The following DUSP16 variants were observed in gnomAD, a reference collection of about 807,000 sequenced individuals.
The protein encoded by DUSP16 is dual specificity protein phosphatase 16.
Under a neutral mutation model 58.3 loss-of-function variants are expected in DUSP16, and 21 were observed. That is an observed-to-expected ratio of 0.36 (90% CI 0.26 to 0.52). The LOEUF (loss-of-function observed/expected upper bound fraction) is 0.52. DUSP16 is among the 20% of genes least tolerant of loss of function. The probability of loss-of-function intolerance (pLI) is 0.94; values close to 1 mark genes in which losing one functional copy is unlikely to be tolerated. For synonymous variants in DUSP16, 320 were observed against 323.8 expected, an observed-to-expected ratio of 0.99 and a Z score of 0.12; for missense variants, 726 against 819.0, an observed-to-expected ratio of 0.89 and a Z score of 1.39.
intron 4 of DUSP16, among the ~76,000 whole-genome samples, 162 bp from the exon 5 acceptor site, chr12:12,487,349 G>T (rs549089691): frequency 7.3e-5 from 11 of 150,314 alleles, no homozygotes; most frequent in Non-Finnish European, 1.5e-4. Context: ...GACATCTAGA[G>T]ACAAGTTTAA....
chr12:12,483,925 C>G (rs1407979507), intron 5 of DUSP16, among the ~76,000 whole-genome samples: 1 of 151,720 alleles, frequency 6.6e-6, no homozygotes, highest in Non-Finnish European at 1.5e-5. Context: ...CTATCACTAA[C>G]CATGGCTTAA....
chr12:12,520,071 C>G, intron 2 of DUSP16, 71 bp from the exon 3 acceptor site: 1 of 1,521,742 alleles, frequency 6.6e-7, no homozygotes, highest in Non-Finnish European at 9.1e-7. Flanking sequence ...CTTAAGATCT[C>G]ACATTTACCA....
chr12:12,503,370 C>T (rs1032341460), intron 3 of DUSP16, among the ~76,000 whole-genome samples: 6 of 151,886 alleles, frequency 4.0e-5, no homozygotes, highest in African/African-American at 1.5e-4. Flanking sequence ...GGACTACAGG[C>T]GCATGCCACC....
intron 3 of DUSP16, among the ~76,000 whole-genome samples, chr12:12,501,901 A>T (rs1943916117): frequency 6.6e-6 from 1 of 152,162 alleles, no homozygotes; most frequent in Non-Finnish European, 1.5e-5. Flanking sequence ...GAGGCAGGAG[A>T]ATCGCTTGAA....
chr12:12,517,897 A>C (rs1275066902), intron 3 of DUSP16, among the ~76,000 whole-genome samples: 1 of 152,210 alleles, frequency 6.6e-6, no homozygotes, highest in Non-Finnish European at 1.5e-5. Flanking sequence ...TCAGTGTGTC[A>C]CACCACGTGT....
intron 3 of DUSP16, among the ~76,000 whole-genome samples, chr12:12,509,732 A>G (rs754256492): frequency 3.9e-5 from 6 of 152,156 alleles, no homozygotes; most frequent in Admixed American, 6.5e-5. Flanking sequence ...TTAGAATTCA[A>G]TAAATGTTTA....
chr12:12,513,067 T>C (rs1944101202), intron 3 of DUSP16, among the ~76,000 whole-genome samples: 1 of 152,196 alleles, frequency 6.6e-6, no homozygotes, highest in Non-Finnish European at 1.5e-5. Context: ...AAATTGAAAA[T>C]GTGTAGAGTC....
At position 12,521,187 on chromosome 12, in the gene DUSP16, T is replaced by C; in HGVS notation, c.-89A>G. 1.9e-6 allele frequency: 3 copies of C among 1,539,844 alleles called. No individual in the cohort carries two copies. Among genetic ancestry groups the C allele is most frequent in the Non-Finnish European group, 2.6e-6 (3 of 1,143,976 alleles). On this transcript the variant is annotated 5_prime_UTR_variant, in exon 2 of 7. Coordinates refer to ENST00000298573, the MANE Select transcript of DUSP16 (RefSeq NM_030640.3). ...GTGCTCAAAGGCTCAGCCACTCCAT[T>C]GTACTAAAAGTGTATGAGGTCAGGC...
At chr12:12,546,873 A>C (rs1944648385) in intron 1 of DUSP16, among the ~76,000 whole-genome samples, 1 of 152,228 alleles carries the variant, frequency 6.6e-6, no homozygotes, top group Non-Finnish European at 1.5e-5. Context: ...GATACTATCT[A>C]TAAGACACAA....
chr12:12,476,449 G>T lies in DUSP16; in HGVS notation c.*384C>A, dbSNP rs1943437096. The T allele has an allele frequency of 1.8e-5, 3 of 170,504 alleles. No individual in the cohort carries two copies. The highest frequency in any genetic ancestry group is 7.2e-5 in the African/African-American group (3 of 41,698). 10.6% of individuals were successfully genotyped at this position (170,504 alleles called of 1,614,324 possible). A position where few individuals can be genotyped will look rare whatever the true frequency, so the allele number is the denominator to read the frequency against. ...AGTCTCAGCGCTAAGGTGTACTATG[G>T]AAGGGTCCGGACAAAGACTAATATT... is the stretch of plus-strand genomic sequence containing the variant. On this transcript the variant is annotated 3_prime_UTR_variant, in exon 7 of 7. Coordinates refer to ENST00000298573, the MANE Select transcript of DUSP16 (RefSeq NM_030640.3).
In DUSP16 at chr12:12,475,959, CAA is replaced by C. The variant is rs2136182173; in HGVS notation, c.*872_*873del. 1 of 152,262 alleles carries C rather than the reference CAA, an allele frequency of 6.6e-6. No individual in the cohort carries two copies. Among genetic ancestry groups the C allele is most frequent in the East Asian group, 1.9e-4 (1 of 5,186 alleles). The allele number at this position is 152,262 out of a possible 1,614,324, so 9.4% of individuals were successfully genotyped here. ...CCATTTTAAACAATTCTTTGATTTA[CAA>C]AGAGGGAGGTAGACTCGTTAGCCTC... On this transcript the variant is annotated 3_prime_UTR_variant, in exon 7 of 7. Coordinates refer to ENST00000298573, the MANE Select transcript of DUSP16 (RefSeq NM_030640.3).
At chr12:12,507,052 A>G (rs1043410091) in intron 3 of DUSP16, among the ~76,000 whole-genome samples, 5 of 152,172 alleles carry the variant, frequency 3.3e-5, no homozygotes, top group South Asian at 2.1e-4. Flanking sequence ...TTTGGGGGGG[A>G]AAAATCTGCC....
intron 4 of DUSP16, among the ~76,000 whole-genome samples, chr12:12,495,188 T>C (rs1943811843): frequency 6.7e-6 from 1 of 148,654 alleles, no homozygotes; most frequent in African/African-American, 2.5e-5. Context: ...TTGTAAAAAT[T>C]GCTTGTAAAT....
intron 5 of DUSP16, among the ~76,000 whole-genome samples, chr12:12,484,424 T>A (rs1479178362): frequency 6.6e-6 from 1 of 152,130 alleles, no homozygotes; most frequent in Non-Finnish European, 1.5e-5. Context: ...AAAAAATAAG[T>A]TGGGAGCAAA....
chr12:12,558,386 G>GTTTT (rs139098397), intron 1 of DUSP16, among the ~76,000 whole-genome samples: 2 of 143,370 alleles, frequency 1.4e-5, no homozygotes, highest in African/African-American at 5.3e-5. Flanking sequence ...AAGATTATAT[G>GTTTT]TTTTTTTTTT....
At chr12:12,504,451 G>A (rs1366031282) in intron 3 of DUSP16, among the ~76,000 whole-genome samples, 1 of 151,938 alleles carries the variant, frequency 6.6e-6, no homozygotes, top group African/African-American at 2.4e-5. Flanking sequence ...TGTAGAGACA[G>A]GGTCCTTCCT....
At chr12:12,554,759 A>G (rs1021821666) in intron 1 of DUSP16, 1 of 152,200 alleles carries the variant, frequency 6.6e-6, no homozygotes, top group Admixed American at 6.5e-5. Context: ...TAACTATTAA[A>G]TATCACCTAA....
intron 4 of DUSP16, among the ~76,000 whole-genome samples, chr12:12,498,022 C>T (rs1349587035): frequency 6.6e-6 from 1 of 152,026 alleles, no homozygotes; most frequent in Non-Finnish European, 1.5e-5. Flanking sequence ...TTAGTGGTCT[C>T]ATGGTTACTG....
At chr12:12,525,472 C>T (rs1478528188) in intron 1 of DUSP16, among the ~76,000 whole-genome samples, 1 of 151,770 alleles carries the variant, frequency 6.6e-6, no homozygotes, top group Non-Finnish European at 1.5e-5. Context: ...TTCTCCATGT[C>T]AGGCTGGTCT....
Sources: gnomAD v4.1 joint callset for allele counts (sites outside exome capture counted in the v4.1 genomes callset) on GRCh38, gnomAD v4.1.1 for gene constraint, MANE v1.5 for transcripts, NCBI Gene and HGNC (gene_info 2026-07-23, HGNC 2026-07-21) for gene names.